Variants in TENM1 observed in about 807,000 individuals in gnomAD.
TENM1 encodes the protein teneurin transmembrane protein 1.
In TENM1, 35 loss-of-function variants were observed where a neutral mutation model predicts 174.8. The ratio of observed to expected loss-of-function variants is 0.20; its 90% CI spans 0.15 to 0.27. The LOEUF is 0.27. TENM1 is among the 10% of genes least tolerant of loss of function. TENM1 has a pLI of 1.00. For synonymous variants in TENM1, 781 were observed against 798.7 expected (o/e 0.98, Z 0.37); for missense variants, 1,633 against 2,130.1 (o/e 0.77, Z 4.59).
chrX:124,591,077 C>G (rs954486098), intron 11 of TENM1, among the ~76,000 whole-genome samples: 1 of 111,742 alleles, frequency 8.9e-6, no homozygotes, highest in Non-Finnish European at 1.9e-5. Context: ...TTTCTATTTG[C>G]ATGGTAGATC....
chrX:124,463,878 G>GT (rs1569533033), intron 22 of TENM1, among the ~76,000 whole-genome samples: 23 of 84,870 alleles, frequency 2.7e-4, no homozygotes, highest in African/African-American at 8.5e-4. Context: ...TGTGTGTGTG[G>GT]AGAGAGAGAG....
intron 1 of TENM1, among the ~76,000 whole-genome samples, chrX:124,909,355 G>A (rs183584292): frequency 1.8e-5 from 2 of 111,494 alleles, no homozygotes; most frequent in East Asian, 2.8e-4. Flanking sequence ...TGAATGTGGC[G>A]GATGCTAGAA....
intron 22 of TENM1, among the ~76,000 whole-genome samples, chrX:124,456,429 C>G (rs2061106844): frequency 8.9e-6 from 1 of 111,920 alleles, no homozygotes; most frequent in Non-Finnish European, 1.9e-5. Flanking sequence ...CCTTACCAAC[C>G]AATCAACCAA....
chrX:124,852,219 G>A (rs905877848), intron 3 of TENM1, among the ~76,000 whole-genome samples: 15 of 111,285 alleles, frequency 1.3e-4, no homozygotes, highest in African/African-American at 3.3e-4. Flanking sequence ...AAGGATAGTC[G>A]TTGAGTTTCA....
chrX:124,962,548 G>A (rs1025069637), intron 1 of TENM1, among the ~76,000 whole-genome samples: 10 of 112,051 alleles, frequency 8.9e-5, no homozygotes, highest in Non-Finnish European at 1.5e-4. Context: ...ATCCGGGCGC[G>A]GTGGCTCATG....
intron 3 of TENM1, among the ~76,000 whole-genome samples, chrX:124,744,569 T>C (rs996372502): frequency 2.7e-5 from 3 of 112,041 alleles, no homozygotes; most frequent in Non-Finnish European, 3.8e-5. Flanking sequence ...GACAATGATA[T>C]TGTGGCTTCT....
the TENM1 span, among the ~76,000 whole-genome samples, chrX:125,123,741 G>A: frequency 8.9e-6 from 1 of 112,492 alleles, no homozygotes; most frequent in East Asian, 2.8e-4. Flanking sequence ...TAAACACAAT[G>A]CTTTAAATTC....
intron 11 of TENM1, among the ~76,000 whole-genome samples, chrX:124,585,565 A>G (rs1221139237): frequency 9.0e-6 from 1 of 111,649 alleles, no homozygotes; most frequent in African/African-American, 3.3e-5. Context: ...ATAGCACTAA[A>G]TGCCCACAAG....
At chrX:124,891,702 A>T (rs1483854512) in intron 3 of TENM1, among the ~76,000 whole-genome samples, 1 of 110,704 alleles carries the variant, frequency 9.0e-6, no homozygotes, top group Non-Finnish European at 1.9e-5. Flanking sequence ...TACACCTATT[A>T]TGTACCCATA....
chrX:124,488,441 T>G (rs186405119), intron 20 of TENM1, among the ~76,000 whole-genome samples: 15 of 112,006 alleles, frequency 1.3e-4, no homozygotes, highest in Admixed American at 5.7e-4. Context: ...AAAAGAACCT[T>G]TCTGAGATTT....
chrX:124,711,344 T>C (rs2053045446), intron 4 of TENM1, among the ~76,000 whole-genome samples: 1 of 112,278 alleles, frequency 8.9e-6, no homozygotes, highest in Non-Finnish European at 1.9e-5. Flanking sequence ...TACATAATTC[T>C]GAGGGTATCT....
chrX:125,184,984 T>C, the TENM1 span, among the ~76,000 whole-genome samples: 1 of 111,751 alleles, frequency 8.9e-6, no homozygotes. Flanking sequence ...ATTTGAATTA[T>C]ACCTACATTG....
the TENM1 span, among the ~76,000 whole-genome samples, chrX:125,160,389 G>A: frequency 5.7e-4 from 59 of 104,280 alleles, no homozygotes; most frequent in African/African-American, 1.1e-3. Context: ...TTAGCTGGGC[G>A]TGGTAGCGCA....
At chrX:124,602,978 A>G (rs2050063817) in intron 11 of TENM1, among the ~76,000 whole-genome samples, 2 of 111,501 alleles carry the variant, frequency 1.8e-5, no homozygotes, top group African/African-American at 6.5e-5. Context: ...TAGAATGACA[A>G]ATGTCTTCAT....
rs186059745 is a variant in TENM1, at chrX:124,918,472, G to A, written c.218-22231C>T. On this transcript the variant is annotated intron_variant, in intron 1 of 31. Transcript: ENST00000422452. ...TGGGATTACAGGCTTGAGCCATCGC[G>A]CCCAGCCGAGGCTGAAAATTTGAGC... Among the ~76,000 whole-genome samples the A allele has an allele frequency of 1.6e-3, 170 of 109,163 alleles. 1 individual carries two copies. The highest frequency in any genetic ancestry group is 2.9e-3 in the Admixed American group (29 of 10,168). The allele number at this position is 109,163 out of a possible 115,157, so 94.8% of individuals were successfully genotyped here. A position where few individuals can be genotyped will look rare whatever the true frequency, so the allele number is the denominator to read the frequency against.
chrX:124,838,037 C>A (rs1456718001), intron 3 of TENM1, among the ~76,000 whole-genome samples: 1 of 112,403 alleles, frequency 8.9e-6, no homozygotes, highest in East Asian at 2.8e-4. Flanking sequence ...GTCCCCCAGG[C>A]ATACCAGCTC....
At chrX:124,583,258 C>G (rs892883509) in intron 11 of TENM1, among the ~76,000 whole-genome samples, 5 of 111,713 alleles carry the variant, frequency 4.5e-5, no homozygotes, top group Non-Finnish European at 9.4e-5. Flanking sequence ...CCCCTGACCC[C>G]CGAGCAGCCT....
At chrX:124,887,317 C>T (rs1398822396) in intron 3 of TENM1, among the ~76,000 whole-genome samples, 1 of 110,636 alleles carries the variant, frequency 9.0e-6, no homozygotes, top group Non-Finnish European at 1.9e-5. Context: ...GGGGAAATAT[C>T]CAAGATAATA....
chrX:124,625,200 C>T lies in TENM1; in HGVS notation c.2077+16591G>A, dbSNP rs150537704. 3.1e-3 allele frequency among the ~76,000 whole-genome samples: 344 copies of T among 111,090 alleles called. 3 individuals carry two copies. The highest frequency in any genetic ancestry group is 0.01 in the African/African-American group (317 of 30,571). On this transcript the variant is annotated intron_variant, in intron 11 of 31. Transcript: ENST00000422452. ...TCCCTTTCATTATACTATAAAAATG[C>T]ATTTTTATTTTTCTATAATATCTTG...
Sources: gnomAD v4.1 joint callset for allele counts (sites outside exome capture counted in the v4.1 genomes callset) on GRCh38, gnomAD v4.1.1 for gene constraint, MANE v1.5 for transcripts, NCBI Gene and HGNC (gene_info 2026-07-23, HGNC 2026-07-21) for gene names.